The following SCAF11 variants were observed in gnomAD, a reference collection of about 807,000 sequenced individuals.
SCAF11 encodes the protein protein SCAF11.
In SCAF11, 47 loss-of-function variants were observed where a neutral mutation model predicts 140.5. The observed-to-expected ratio is 0.33, with a 90% CI of 0.26 to 0.43. The LOEUF (loss-of-function observed/expected upper bound fraction) is 0.43. SCAF11 is among the 20% of genes least tolerant of loss of function. SCAF11 has a pLI of 1.00. For missense variants in SCAF11, 1,645 were observed against 1,705.1 expected (o/e 0.96, Z 0.62); for synonymous variants, 557 against 579.4 (o/e 0.96, Z 0.55).
At chr12:45,953,976 T>C in intron 3 of SCAF11, 1 of 302,974 alleles carries the variant, frequency 3.3e-6, no homozygotes, top group Non-Finnish European at 5.1e-6. Context: ...CATATACAAG[T>C]GAGAGACATG....
chr12:45,922,727 A>G, intron 13 of SCAF11, 145 bp from the exon 14 acceptor site: 4 of 919,976 alleles, frequency 4.3e-6, no homozygotes, highest in Non-Finnish European at 6.4e-6. Context: ...TTTATTTACT[A>G]AAACATATCA....
At position 45,930,653 on chromosome 12, in the gene SCAF11, A is replaced by G. The variant is rs554105742; in HGVS notation, c.841+853T>C. Among the ~76,000 whole-genome samples, 7 of 152,176 alleles carry G rather than the reference A, an allele frequency of 4.6e-5. No individual in the cohort carries two copies. In the East Asian group the frequency reaches 1.3e-3, roughly 29 times the overall value. On this transcript the variant is annotated intron_variant, in intron 10 of 14. Transcript: ENST00000369367. Reference sequence around the variant, plus strand: ...ATTTAATTTTACACAGCTATGATTTAATACTGTATCTTTACAGCTGTTTAC... The same window carrying G: ...ATTTAATTTTACACAGCTATGATTTGATACTGTATCTTTACAGCTGTTTAC...
chr12:45,991,837 G>C (rs1357980434), upstream of SCAF11: 1 of 1,239,014 alleles, frequency 8.1e-7, no homozygotes, highest in Non-Finnish European at 1.0e-6. Flanking sequence ...CCCTTGTCCT[G>C]CTTGCGGCTC....
At chr12:45,964,358 GCA>G (rs566249339) in intron 1 of SCAF11, among the ~76,000 whole-genome samples, 170 bp from the exon 2 acceptor site, 1 of 152,162 alleles carries the variant, frequency 6.6e-6, no homozygotes, top group Non-Finnish European at 1.5e-5. Flanking sequence ...CTATCAAAAT[GCA>G]CAGTCTTATT....
At position 45,920,223 on chromosome 12, in the gene SCAF11, A is replaced by T. The variant is rs1944674970; in HGVS notation, c.*1825T>A. On this transcript the variant is annotated 3_prime_UTR_variant, in exon 15 of 15. Coordinates refer to ENST00000369367, the MANE Select transcript of SCAF11 (RefSeq NM_004719.3). The stretch of plus-strand genomic sequence containing the variant: ...GATTACACTCATAACAACAAAGCTT[A>T]TGAACTAGCACAATCATTATGGGAC... The T allele has an allele frequency of 6.6e-6, 1 of 152,236 alleles. No individual in the cohort carries two copies. Among genetic ancestry groups the T allele is most frequent in the Non-Finnish European group, 1.5e-5 (1 of 68,022 alleles). The allele number at this position is 152,236 out of a possible 1,614,324, so 9.4% of individuals were successfully genotyped here.
At chr12:45,971,856 T>C (rs1166834159) in intron 1 of SCAF11, among the ~76,000 whole-genome samples, 1 of 152,076 alleles carries the variant, frequency 6.6e-6, no homozygotes, top group African/African-American at 2.4e-5. Flanking sequence ...ATAAAAAAAC[T>C]CTGGGCCAAT....
At chr12:45,951,809 AATT>A (rs1945556731) in intron 3 of SCAF11, 82 bp from the exon 4 acceptor site, 1 of 905,522 alleles carries the variant, frequency 1.1e-6, no homozygotes, top group South Asian at 1.9e-5. Flanking sequence ...TTTTCCATAA[AATT>A]ATTTTTATCT....
intron 1 of SCAF11, among the ~76,000 whole-genome samples, chr12:45,966,212 G>A (rs1044705763): frequency 2.0e-5 from 3 of 152,150 alleles, no homozygotes; most frequent in Non-Finnish European, 4.4e-5. Context: ...AGAATGTTTA[G>A]CTTGGAAGAA....
rs1301917511 is a variant in SCAF11, at chr12:45,938,524, C to CTT, written c.464-4021_464-4020dup. 2.6e-5 allele frequency among the ~76,000 whole-genome samples: 4 copies of CTT among 151,802 alleles called. No individual in the cohort carries two copies. In the East Asian group the frequency reaches 7.7e-4, roughly 29 times the overall value. ...AACAAACAAACAAACAAAAAACACACTTTTCTTTCATTCCTTTATTGTCAT... is the reference window on the plus strand; with the variant it reads ...AACAAACAAACAAACAAAAAACACACTTTTTTCTTTCATTCCTTTATTGTCAT... On this transcript the variant is annotated intron_variant, in intron 6 of 14. Coordinates refer to ENST00000369367, the MANE Select transcript of SCAF11 (RefSeq NM_004719.3).
chr12:45,960,066 C>T (rs1187791685), intron 3 of SCAF11, among the ~76,000 whole-genome samples: 1 of 152,062 alleles, frequency 6.6e-6, no homozygotes, highest in African/African-American at 2.4e-5. Context: ...TAAAAATATT[C>T]AACAAGAGTT....
chr12:45,982,692 G>C (rs1206909902), intron 1 of SCAF11, among the ~76,000 whole-genome samples: 2 of 152,192 alleles, frequency 1.3e-5, no homozygotes, highest in Non-Finnish European at 2.9e-5. Flanking sequence ...GTGACAGAAT[G>C]AGACTGTGTC....
chr12:45,922,999 T>C lies in SCAF11; in HGVS notation c.4062A>G (p.Lys1354=). The change falls in exon 13 of 15, where the codon AAA becomes AAG. Residue 1354 remains lysine (K), a synonymous_variant. Coordinates refer to ENST00000369367, the MANE Select transcript of SCAF11 (RefSeq NM_004719.3). ...SHSKASNAAV[K]LAESKVSVAV... is the part of the protein sequence containing the mutation. Reference sequence around the variant, plus strand: ...CAACACTTACTTTGCTTTCTGCCAATTTTACAGCAGCATTAGAGGCTTTGC... The same window carrying C: ...CAACACTTACTTTGCTTTCTGCCAACTTTACAGCAGCATTAGAGGCTTTGC... The C allele has an allele frequency of 6.2e-7, 1 of 1,614,206 alleles. No individual in the cohort carries two copies. The highest frequency in any genetic ancestry group is 8.5e-7 in the Non-Finnish European group (1 of 1,180,022).
rs1345898664 is a variant in SCAF11 at position 45,926,897 on chromosome 12, G to A, written c.2804C>T (p.Ser935Phe). 3.7e-6 allele frequency: 6 copies of A among 1,613,322 alleles called. No homozygotes were observed. The African/African-American group carries it at 6.7e-5, about 18-fold the overall frequency. The change falls in exon 11 of 15, where the codon TCC becomes TTC. Residue 935 changes from serine (S) to phenylalanine (F), a missense_variant. Ser to Phe is a radical substitution (Grantham distance 155). This residue lies in a region of SCAF11 where 1,582 missense variants were observed against 1,609.2 expected (regional missense o/e 0.98). Coordinates refer to ENST00000369367, the MANE Select transcript of SCAF11 (RefSeq NM_004719.3). ...RERRTRKWSRSRSHSRSPSRC... is the reference protein window; with the variant it reads ...RERRTRKWSRFRSHSRSPSRC... ...TGAGGGGGACCTAGAATGAGATCTG[G>A]ACCTAGACCACTTTCTGGTTCTCCT...
chr12:45,926,878 G>A lies in SCAF11; in HGVS notation c.2823C>T (p.Ser941=), dbSNP rs960510236. Reference sequence around the variant, plus strand: ...TACTTTTTGTTCTACATCTTGAGGGGGACCTAGAATGAGATCTGGACCTAG... The same window carrying A: ...TACTTTTTGTTCTACATCTTGAGGGAGACCTAGAATGAGATCTGGACCTAG... ...KWSRSRSHSR[S]PSRCRTKSKS... Residue 941 remains serine (S), a synonymous_variant, in exon 11 of 15, where the codon TCC becomes TCT. Transcript: ENST00000369367. 5.0e-6 allele frequency: 8 copies of A among 1,613,780 alleles called. No homozygotes were observed. Among genetic ancestry groups the A allele is most frequent in the Middle Eastern group, 1.6e-4 (1 of 6,062 alleles).
rs141761208 is a variant in SCAF11, at chr12:45,967,371, C to T, written c.-21-3183G>A. Among the ~76,000 whole-genome samples, 151 of 152,264 alleles carry T rather than the reference C, an allele frequency of 9.9e-4. 2 individuals are homozygous for T. Among genetic ancestry groups the T allele is most frequent in the African/African-American group, 2.7e-3 (111 of 41,544 alleles). ...GAAATCTGCCTTAATGGCCAGGTGC[C>T]GGTGGCTCACGCAAGTAATCCCAGC... On this transcript the variant is annotated intron_variant, in intron 1 of 14. Coordinates refer to ENST00000369367, the MANE Select transcript of SCAF11 (RefSeq NM_004719.3).
In SCAF11 at chr12:45,926,253, C is replaced by G; in HGVS notation, c.3448G>C (p.Val1150Leu). The change falls in exon 11 of 15, where the codon GTG becomes CTG. Residue 1150 changes from valine to leucine, a missense_variant. Val to Leu is a conservative substitution (Grantham distance 32). This residue lies in a region of SCAF11 where 1,582 missense variants were observed against 1,609.2 expected (regional missense o/e 0.98). Transcript: ENST00000369367. ...SGWTSASSWA[V>L]RKTLPADVQN... ...ACATCTGCTGGCAAAGTCTTTCTCA[C>G]GGCCCAGCTGGATGCAGATGTCCAT... The G allele has an allele frequency of 6.2e-7, 1 of 1,614,146 alleles. No individual in the cohort carries two copies. Among genetic ancestry groups the G allele is most frequent in the African/African-American group, 1.3e-5 (1 of 75,042 alleles).
intron 1 of SCAF11, among the ~76,000 whole-genome samples, chr12:45,973,005 TATATATAG>T (rs558361498): frequency 0.019 from 2,690 of 144,302 alleles, 61 homozygotes; most frequent in African/African-American, 0.027. Flanking sequence ...TATATAGATA[TATATATAG>T]ATATATAGAT....
chr12:45,990,925 T>C (rs1028754343), upstream of SCAF11, among the ~76,000 whole-genome samples: 1 of 152,214 alleles, frequency 6.6e-6, no homozygotes, highest in Non-Finnish European at 1.5e-5. Context: ...GCGCAGCGCG[T>C]GGACTTTGGC....
chr12:45,948,330 A>C (rs1351437194), intron 5 of SCAF11, 107 bp downstream of exon 5: 2 of 691,920 alleles, frequency 2.9e-6, no homozygotes, highest in African/African-American at 1.8e-5. Flanking sequence ...CTTTTGAATA[A>C]GTGATTAAAT....
Sources: gnomAD v4.1 joint callset for allele counts (sites outside exome capture counted in the v4.1 genomes callset) on GRCh38, gnomAD v4.1.1 for gene constraint, gnomAD v4.1.1 regional missense constraint, MANE v1.5 for transcripts, NCBI Gene and HGNC (gene_info 2026-07-23, HGNC 2026-07-21) for gene names.